The following GABRB2 variants were observed in gnomAD, a reference collection of about 807,000 sequenced individuals.
The protein encoded by GABRB2 is gamma-aminobutyric acid receptor subunit beta-2.
In GABRB2, 16 loss-of-function variants were observed where a neutral mutation model predicts 54.7. The ratio of observed to expected loss-of-function variants is 0.29; its 90% confidence interval spans 0.20 to 0.44. The LOEUF is 0.44. Among genes scored for constraint, GABRB2 ranks in the 20% least tolerant of loss-of-function variants. GABRB2 has a pLI of 1.00. For synonymous variants in GABRB2, 244 were observed against 233.8 expected, an observed-to-expected ratio of 1.04 and a Z score of -0.40; for missense variants, 355 against 644.0, an observed-to-expected ratio of 0.55 and a Z score of 4.86.
chr5:161,326,426 G>C lies in GABRB2; in HGVS notation c.1133C>G (p.Pro378Arg). 1 of 1,613,638 alleles carries C rather than the reference G, an allele frequency of 6.2e-7. No homozygotes were observed. The highest frequency in any genetic ancestry group is 8.5e-7 in the Non-Finnish European group (1 of 1,179,696). ...TCTAGTTGGGGAGAGGTTTCCAGTA[G>C]GGTCCCACAAGGATCGATATTGGGT... ...NGTQYRSLWD[P>R]TGNLSPTRRT... Residue 378 changes from proline (P) to arginine (R), a missense_variant, in exon 9 of 10, where the codon CCT (proline) becomes CGT (arginine). Pro to Arg is a moderately radical substitution (Grantham distance 103, BLOSUM62 -2). Transcript: ENST00000393959.
At chr5:161,492,580 G>GTGTA (rs1561670119) in intron 3 of GABRB2, among the ~76,000 whole-genome samples, 1 of 151,480 alleles carries the variant, frequency 6.6e-6, no homozygotes, top group Non-Finnish European at 1.5e-5. Flanking sequence ...GTGTGTGTGT[G>GTGTA]TGTGTGTGCT....
intron 3 of GABRB2, among the ~76,000 whole-genome samples, chr5:161,477,191 A>G (rs1321361483): frequency 1.3e-5 from 2 of 151,680 alleles, no homozygotes. Flanking sequence ...TCTGAAAATC[A>G]CTAATCATTA....
chr5:161,375,784 A>G (rs1755275608), intron 5 of GABRB2, among the ~76,000 whole-genome samples: 1 of 152,198 alleles, frequency 6.6e-6, no homozygotes, highest in African/African-American at 2.4e-5. Flanking sequence ...CCCAGCATTT[A>G]AAAATACTCA....
At chr5:161,508,129 G>A (rs762594288) in intron 3 of GABRB2, among the ~76,000 whole-genome samples, 1 of 151,418 alleles carries the variant, frequency 6.6e-6, no homozygotes, top group Non-Finnish European at 1.5e-5. Context: ...ATCACTGAAT[G>A]CCTACTCTGC....
At chr5:161,410,725 A>T (rs17059436) in intron 5 of GABRB2, among the ~76,000 whole-genome samples, 3 of 152,202 alleles carry the variant, frequency 2.0e-5, no homozygotes, top group East Asian at 3.9e-4. Flanking sequence ...GGCTGTTAGC[A>T]TATTCCTTTT....
At chr5:161,454,849 C>G (rs1390213669) in intron 4 of GABRB2, among the ~76,000 whole-genome samples, 1 of 152,032 alleles carries the variant, frequency 6.6e-6, no homozygotes, top group Non-Finnish European at 1.5e-5. Context: ...TATCATTACT[C>G]TTTGTTAAGG....
intron 4 of GABRB2, among the ~76,000 whole-genome samples, chr5:161,419,395 T>G (rs1185035273): frequency 6.6e-6 from 1 of 152,112 alleles, no homozygotes; most frequent in African/African-American, 2.4e-5. Flanking sequence ...TGAAAAACAG[T>G]ATGGAGATTT....
chr5:161,361,656 G>A (rs1441568284), intron 5 of GABRB2, among the ~76,000 whole-genome samples: 2 of 152,072 alleles, frequency 1.3e-5, no homozygotes, highest in African/African-American at 4.8e-5. Context: ...AACAGAGGTG[G>A]GATTTAAATT....
chr5:161,427,138 T>C (rs1757023031), intron 4 of GABRB2, among the ~76,000 whole-genome samples: 1 of 152,136 alleles, frequency 6.6e-6, no homozygotes, highest in Non-Finnish European at 1.5e-5. Flanking sequence ...TGATACTGGA[T>C]ATTAAAATCT....
chr5:161,328,064 T>C (rs916212105), intron 8 of GABRB2, among the ~76,000 whole-genome samples: 1 of 152,200 alleles, frequency 6.6e-6, no homozygotes, highest in Non-Finnish European at 1.5e-5. Flanking sequence ...CTAATCAAAA[T>C]GGGTTGTAGG....
intron 9 of GABRB2, among the ~76,000 whole-genome samples, chr5:161,303,815 A>C (rs1470691732): frequency 6.6e-6 from 1 of 152,098 alleles, no homozygotes; most frequent in Non-Finnish European, 1.5e-5. Context: ...GCAGGTTCTA[A>C]TCCCATGTTA....
chr5:161,326,399 C>G lies in GABRB2; in HGVS notation c.1160G>C (p.Arg387Pro). The G allele has an allele frequency of 6.2e-7, 1 of 1,613,390 alleles. No individual in the cohort carries two copies. The highest frequency in any genetic ancestry group is 1.7e-5 in the Admixed American group (1 of 59,978). The change falls in exon 9 of 10, where the codon CGG (arginine) becomes CCG (proline). Residue 387 changes from arginine (R) to proline (P), a missense_variant. Around this residue, in one of 6 missense-constraint regions of GABRB2, gnomAD observed 201 missense variants for 228.1 expected, o/e 0.88. Transcript: ENST00000393959. ...CAGAGAGAAATCGTAATTGGTAGTCCGTCTAGTTGGGGAGAGGTTTCCAGT... is the reference window on the plus strand; with the variant it reads ...CAGAGAGAAATCGTAATTGGTAGTCGGTCTAGTTGGGGAGAGGTTTCCAGT... ...DPTGNLSPTRRTTNYDFSLYT... is the reference protein window; with the variant it reads ...DPTGNLSPTRPTTNYDFSLYT...
At chr5:161,407,749 C>G (rs1249841888) in intron 5 of GABRB2, among the ~76,000 whole-genome samples, 1 of 151,990 alleles carries the variant, frequency 6.6e-6, no homozygotes. Flanking sequence ...TCTGACCACA[C>G]AGGTAACGGC....
In GABRB2 at chr5:161,348,413, G is replaced by T. The variant is rs529094860; in HGVS notation, c.542-11644C>A. 8.8e-4 allele frequency among the ~76,000 whole-genome samples: 134 copies of T among 152,088 alleles called. 1 individual carries two copies. The highest frequency in any genetic ancestry group is 3.2e-3 in the African/African-American group (131 of 41,526). On this transcript the variant is annotated intron_variant, in intron 5 of 9. Coordinates refer to ENST00000393959, the MANE Select transcript of GABRB2 (RefSeq NM_001371727.1). ...GTTAATGATTAACAGAAGATAGTTG[G>T]ATTCTCACATTTGCTTCTACATTTA...
At chr5:161,305,003 T>G (rs1315361238) in intron 9 of GABRB2, among the ~76,000 whole-genome samples, 1 of 41,746 alleles carries the variant, frequency 2.4e-5, no homozygotes, top group African/African-American at 4.1e-4. Context: ...ATATATCAAT[T>G]TTTTTTTTTT....
At chr5:161,534,054 A>T (rs1275553935) in intron 3 of GABRB2, among the ~76,000 whole-genome samples, 1 of 152,164 alleles carries the variant, frequency 6.6e-6, no homozygotes, top group East Asian at 1.9e-4. Context: ...CATAAATGAA[A>T]ATGGTAATTA....
intron 3 of GABRB2, 46 bp downstream of exon 3, chr5:161,545,181 C>G: frequency 6.6e-7 from 1 of 1,504,428 alleles, no homozygotes; most frequent in Non-Finnish European, 9.1e-7. Flanking sequence ...CTTCCTGTCC[C>G]CAAACGAAAG....
intron 3 of GABRB2, among the ~76,000 whole-genome samples, chr5:161,513,995 A>T (rs1282832600): frequency 6.6e-6 from 1 of 152,116 alleles, no homozygotes; most frequent in Non-Finnish European, 1.5e-5. Flanking sequence ...CATTTCAGTC[A>T]GTCATTTTTG....
Position 161,330,971 on chromosome 5 carries a change from A to T in GABRB2, c.989T>A (p.Phe330Tyr). Reference protein sequence around the residue: ...LLEYALVNYIFFGRGPQRQKK... With the variant: ...LLEYALVNYIYFGRGPQRQKK... ...TTGGCGTTGGGGCCCCCTCCCAAAGAAGATGTAGTTGACTAGGGCATATTC... is the reference window on the plus strand; with the variant it reads ...TTGGCGTTGGGGCCCCCTCCCAAAGTAGATGTAGTTGACTAGGGCATATTC... Residue 330 changes from phenylalanine to tyrosine, a missense_variant, in exon 8 of 10, where the codon TTC (phenylalanine) becomes TAC (tyrosine). Around this residue, in one of 6 missense-constraint regions of GABRB2, gnomAD observed 25 missense variants for 137.4 expected, o/e 0.18. Transcript: ENST00000393959. 1 of 1,614,198 alleles carries T rather than the reference A, an allele frequency of 6.2e-7. No homozygotes were observed. The highest frequency in any genetic ancestry group is 8.5e-7 in the Non-Finnish European group (1 of 1,180,026).
Sources: allele counts gnomAD v4.1 joint callset (sites outside exome capture counted in the v4.1 genomes callset), GRCh38; gene constraint gnomAD v4.1.1; regional missense constraint gnomAD v4.1.1; transcripts MANE v1.5; gene names NCBI Gene and HGNC (gene_info 2026-07-23, HGNC 2026-07-21).